The following SATL1 variants were observed in gnomAD, a reference collection of about 807,000 sequenced individuals.
The protein encoded by SATL1 is spermidine/spermine N(1)-acetyltransferase-like protein 1.
A neutral mutation model predicts 51.8 loss-of-function variants in SATL1; 47 were observed. The ratio of observed to expected loss-of-function variants is 0.91; its 90% CI spans 0.72 to 1.16. The LOEUF is 1.16. Ranked by LOEUF, SATL1 falls within the 50% of genes most tolerant of loss-of-function variation. SATL1 has a pLI of 0.00. For synonymous variants in SATL1, 176 were observed against 182.4 expected (o/e 0.97, Z 0.28); for missense variants, 520 against 526.4 (o/e 0.99, Z 0.12).
chrX:85,115,507 C>G (rs185184146), intron 2 of SATL1, among the ~76,000 whole-genome samples: 1 of 112,398 alleles, frequency 8.9e-6, no homozygotes, highest in East Asian at 2.8e-4. Context: ...AGGTTAAAAA[C>G]AGGTATAAAT....
chrX:85,129,994 G>T (rs1439937183), intron 2 of SATL1, among the ~76,000 whole-genome samples: 4 of 111,887 alleles, frequency 3.6e-5, no homozygotes, highest in Admixed American at 9.5e-5. Context: ...TAGGGTTGAA[G>T]CCAACTTGTT....
intron 2 of SATL1, among the ~76,000 whole-genome samples, chrX:85,140,982 G>C (rs1861721360): frequency 9.0e-6 from 1 of 111,578 alleles, no homozygotes; most frequent in African/African-American, 3.3e-5. Context: ...AGTTCACTGA[G>C]GTTATCAAGG....
At chrX:85,164,988 T>A (rs1197157012) in intron 2 of SATL1, among the ~76,000 whole-genome samples, 1 of 110,847 alleles carries the variant, frequency 9.0e-6, no homozygotes, top group Non-Finnish European at 1.9e-5. Context: ...CCTCCCAAAG[T>A]GTTGGGATTG....
chrX:85,205,844 T>A (rs915498886), intron 2 of SATL1, among the ~76,000 whole-genome samples: 1 of 111,631 alleles, frequency 9.0e-6, no homozygotes, highest in Admixed American at 9.6e-5. Flanking sequence ...GAGTCCAGAA[T>A]CTGATAGAAG....
intron 2 of SATL1, among the ~76,000 whole-genome samples, chrX:85,127,838 C>A (rs1012859512): frequency 9.1e-6 from 1 of 110,403 alleles, no homozygotes; most frequent in Admixed American, 9.7e-5. Context: ...ATGTTCCCTG[C>A]CCTATGTCCA....
chrX:85,149,220 G>A (rs1569237057), intron 2 of SATL1, among the ~76,000 whole-genome samples: 1 of 111,367 alleles, frequency 9.0e-6, no homozygotes, highest in Non-Finnish European at 1.9e-5. Context: ...GACAAAGAAG[G>A]CCATTACATA....
intron 2 of SATL1, among the ~76,000 whole-genome samples, chrX:85,204,087 G>T (rs1927741934): frequency 8.9e-6 from 1 of 111,828 alleles, no homozygotes; most frequent in African/African-American, 3.3e-5. Context: ...TGAAGGCTCT[G>T]GTGGAGTGGG....
chrX:85,198,535 G>T (rs1199831082), intron 2 of SATL1, among the ~76,000 whole-genome samples: 1 of 111,610 alleles, frequency 9.0e-6, no homozygotes, highest in African/African-American at 3.3e-5. Flanking sequence ...TGGGTGAGAT[G>T]CTATAACATT....
chrX:85,180,885 T>TTA (rs1246759988), intron 2 of SATL1, among the ~76,000 whole-genome samples: 1 of 110,665 alleles, frequency 9.0e-6, no homozygotes. Flanking sequence ...TTCAAAAATG[T>TTA]TATATATATT....
intron 1 of SATL1, among the ~76,000 whole-genome samples, chrX:85,226,725 A>T (rs961544357): frequency 9.0e-6 from 1 of 110,891 alleles, no homozygotes; most frequent in Non-Finnish European, 1.9e-5. Flanking sequence ...TCTCTTCCAG[A>T]GAGCTATCCA....
intron 2 of SATL1, among the ~76,000 whole-genome samples, chrX:85,158,709 G>A (rs979557122): frequency 3.6e-5 from 4 of 111,190 alleles, no homozygotes; most frequent in Non-Finnish European, 7.5e-5. Flanking sequence ...ATGGCTTAAC[G>A]AACATAAAAA....
At chrX:85,226,322 G>A (rs972807642) in intron 1 of SATL1, among the ~76,000 whole-genome samples, 1 of 111,147 alleles carries the variant, frequency 9.0e-6, no homozygotes, top group African/African-American at 3.3e-5. Flanking sequence ...TTTCTTTCCC[G>A]TATTCCTCAA....
At chrX:85,111,433 A>T (rs1450273089) in intron 2 of SATL1, among the ~76,000 whole-genome samples, 1 of 112,357 alleles carries the variant, frequency 8.9e-6, no homozygotes, top group Non-Finnish European at 1.9e-5. Flanking sequence ...TCAGAATAAG[A>T]CTGGCTCCAT....
intron 1 of SATL1, among the ~76,000 whole-genome samples, chrX:85,224,623 G>T (rs1291996778): frequency 9.1e-6 from 1 of 109,994 alleles, no homozygotes; most frequent in Non-Finnish European, 1.9e-5. Flanking sequence ...ATTGCCACTA[G>T]TTCTGGTCAA....
chrX:85,201,046 T>C (rs1351966435), intron 2 of SATL1, among the ~76,000 whole-genome samples: 1 of 110,844 alleles, frequency 9.0e-6, no homozygotes, highest in Non-Finnish European at 1.9e-5. Flanking sequence ...CTTTCTTGTC[T>C]ACAGTACCTC....
At chrX:85,110,483 G>C (rs899289140) in intron 2 of SATL1, among the ~76,000 whole-genome samples, 1 of 112,005 alleles carries the variant, frequency 8.9e-6, no homozygotes, top group African/African-American at 3.2e-5. Context: ...CTCACGCTGT[G>C]ATAAGGGCTT....
At chrX:85,146,840 C>A (rs1315803875) in intron 2 of SATL1, among the ~76,000 whole-genome samples, 1 of 112,538 alleles carries the variant, frequency 8.9e-6, no homozygotes, top group Middle Eastern at 4.2e-3. Context: ...TGGCTGGCAA[C>A]CAAGATGGCC....
At chrX:85,243,354 G>C (rs1043546475) in intron 1 of SATL1, among the ~76,000 whole-genome samples, 29 of 112,044 alleles carry the variant, frequency 2.6e-4, no homozygotes, top group Admixed American at 2.4e-3. Context: ...CTCACCCAAT[G>C]AATTTCTCAC....
intron 2 of SATL1, among the ~76,000 whole-genome samples, chrX:85,194,826 G>T (rs1240815285): frequency 1.2e-5 from 1 of 84,159 alleles, no homozygotes; most frequent in African/African-American, 4.7e-5. Flanking sequence ...TGAACAATGA[G>T]AACACATGGA....
Sources: allele counts gnomAD v4.1 joint callset (sites outside exome capture counted in the v4.1 genomes callset), GRCh38; gene constraint gnomAD v4.1.1; transcripts MANE v1.5; gene names NCBI Gene and HGNC (gene_info 2026-07-23, HGNC 2026-07-21).